CCDC7: variants seen among roughly 807,000 people sequenced by gnomAD.
CCDC7 encodes coiled-coil domain containing 7, also known as coiled-coil domain-containing protein 7.
In CCDC7, 183 loss-of-function variants were observed where a neutral mutation model predicts 196.9. The ratio of observed to expected loss-of-function variants is 0.93; its 90% CI spans 0.82 to 1.05. CCDC7 has a LOEUF of 1.05. CCDC7 is among the 50% of genes least tolerant of loss of function. CCDC7 has a pLI of 0.00. For synonymous variants in CCDC7, 525 were observed against 484.6 expected (o/e 1.08, Z -1.10); for missense variants, 1,540 against 1,482.2 (o/e 1.04, Z -0.64).
Position 32,767,063 on chromosome 10 carries a change from AG to A in CCDC7, c.2906-11912del, listed in dbSNP as rs1253098504. Among the ~76,000 whole-genome samples, 9 of 152,102 alleles carry A rather than the reference AG, an allele frequency of 5.9e-5. No homozygotes were observed. The South Asian group carries it at 1.4e-3, about 24-fold the overall frequency. On this transcript the variant is annotated intron_variant, in intron 28 of 41. Coordinates refer to ENST00000639629, the Ensembl canonical transcript of CCDC7. ...GCTCTTTTCAACAACCAGATCTTGC[AG>A]GAACTAATACTAATAGAGTAACAAC...
chr10:32,660,758 A>T (rs1328164802), intron 20 of CCDC7, among the ~76,000 whole-genome samples: 7 of 151,874 alleles, frequency 4.6e-5, no homozygotes, highest in Admixed American at 2.6e-4. Flanking sequence ...GTGCTGGGAA[A>T]ACTGGCTAGC....
chr10:32,501,039 A>AGGGGAG (rs2043945266), intron 9 of CCDC7, among the ~76,000 whole-genome samples: 1 of 148,916 alleles, frequency 6.7e-6, no homozygotes, highest in Non-Finnish European at 1.5e-5. Context: ...GACCATGCAA[A>AGGGGAG]GGGGAGAGGG....
intron 18 of CCDC7, among the ~76,000 whole-genome samples, chr10:32,633,969 T>C (rs1264067887): frequency 6.6e-6 from 1 of 152,006 alleles, no homozygotes; most frequent in African/African-American, 2.4e-5. Flanking sequence ...TCATCTCTCC[T>C]TCATTCTTAT....
intron 25 of CCDC7, among the ~76,000 whole-genome samples, chr10:32,711,985 G>A (rs1434893732): frequency 6.6e-6 from 1 of 152,108 alleles, no homozygotes; most frequent in Non-Finnish European, 1.5e-5. Context: ...GCCAATAATT[G>A]TCTCACAAAA....
At chr10:32,576,088 G>T (rs2058148566) in intron 16 of CCDC7, among the ~76,000 whole-genome samples, 2 of 152,096 alleles carry the variant, frequency 1.3e-5, no homozygotes, top group African/African-American at 2.4e-5. Context: ...GGTCAGATAT[G>T]TTCACATCTG....
At chr10:32,491,127 T>C (rs1285119619) in intron 8 of CCDC7, among the ~76,000 whole-genome samples, 1 of 152,192 alleles carries the variant, frequency 6.6e-6, no homozygotes, top group East Asian at 1.9e-4. Flanking sequence ...AGCTTCTTTA[T>C]GTTTTTCTAC....
intron 22 of CCDC7, among the ~76,000 whole-genome samples, chr10:32,686,564 G>T (rs935223878): frequency 6.6e-6 from 1 of 152,228 alleles, no homozygotes; most frequent in Non-Finnish European, 1.5e-5. Flanking sequence ...GCCTGCTCCA[G>T]GGTAGAGGCC....
chr10:32,845,582 G>T, exon 35 of CCDC7: 1 of 1,612,706 alleles, frequency 6.2e-7, no homozygotes, highest in Non-Finnish European at 8.5e-7. Context: ...ACTGGAAGAG[G>T]TCTAATGAAG....
chr10:32,770,444 G>A (rs936498393), intron 28 of CCDC7, among the ~76,000 whole-genome samples: 1 of 152,176 alleles, frequency 6.6e-6, no homozygotes, highest in Non-Finnish European at 1.5e-5. Context: ...TCTTGGAATT[G>A]ATTTCTAGTT....
Position 32,597,279 on chromosome 10 carries a change from A to G in CCDC7, c.1801+12975A>G, listed in dbSNP as rs529047501. Reference sequence around the variant, plus strand: ...CTTCATTTCATTCGTTTGATCTTCAATCACTGATAATGTTTCTTCAATTTG... The same window carrying G: ...CTTCATTTCATTCGTTTGATCTTCAGTCACTGATAATGTTTCTTCAATTTG... On this transcript the variant is annotated intron_variant, in intron 18 of 41. Coordinates refer to ENST00000639629, the Ensembl canonical transcript of CCDC7. Among the ~76,000 whole-genome samples, 293 of 152,226 alleles carry G rather than the reference A, an allele frequency of 1.9e-3. 1 individual carries two copies. The highest frequency in any genetic ancestry group is 2.9e-3 in the Non-Finnish European group (195 of 68,008).
At chr10:32,548,180 T>C (rs2947071) in intron 13 of CCDC7, among the ~76,000 whole-genome samples, 38,194 of 151,876 alleles carry the variant, frequency 0.25, 5,398 homozygotes, top group South Asian at 0.44. Flanking sequence ...GGGGAAGGGG[T>C]TCTTATTCCT....
intron 29 of CCDC7, among the ~76,000 whole-genome samples, chr10:32,794,376 A>G (rs1378618942): frequency 1.3e-5 from 2 of 152,210 alleles, no homozygotes; most frequent in Admixed American, 1.3e-4. Context: ...TAGTGCAGTA[A>G]TGAACTTTTG....
chr10:32,474,072 A>G (rs1430267601), intron 8 of CCDC7, 49 bp downstream of exon 9: 1 of 1,568,844 alleles, frequency 6.4e-7, no homozygotes, highest in African/African-American at 1.4e-5. Context: ...CCTCTGTTAC[A>G]TTAATTTCTA....
chr10:32,852,278 A>C (rs2093592269), intron 40 of CCDC7, among the ~76,000 whole-genome samples: 1 of 152,138 alleles, frequency 6.6e-6, no homozygotes, highest in South Asian at 2.1e-4. Flanking sequence ...CCCCAGGGAG[A>C]GCATACAATA....
chr10:32,702,618 G>A (rs917408926), intron 24 of CCDC7, among the ~76,000 whole-genome samples: 1 of 152,022 alleles, frequency 6.6e-6, no homozygotes, highest in Non-Finnish European at 1.5e-5. Context: ...TTGACAGTGG[G>A]GTGTTAAAGT....
chr10:32,727,343 G>A (rs17296219), intron 26 of CCDC7, among the ~76,000 whole-genome samples: 1 of 152,084 alleles, frequency 6.6e-6, no homozygotes, highest in African/African-American at 2.4e-5. Flanking sequence ...GGTCTTCTTG[G>A]TACCCTTATA....
chr10:32,825,856 T>C (rs2091035143), intron 32 of CCDC7, among the ~76,000 whole-genome samples: 2 of 152,116 alleles, frequency 1.3e-5, no homozygotes, highest in Non-Finnish European at 2.9e-5. Context: ...AGTGAGGGCA[T>C]TGATTGAAAA....
chr10:32,661,923 G>A (rs1296118586), intron 20 of CCDC7, among the ~76,000 whole-genome samples: 4 of 152,026 alleles, frequency 2.6e-5, no homozygotes, highest in Admixed American at 6.6e-5. Flanking sequence ...CTCTGAATCC[G>A]GCTCAGCACT....
intron 28 of CCDC7, among the ~76,000 whole-genome samples, chr10:32,760,511 C>T (rs547214122): frequency 2.0e-3 from 310 of 152,050 alleles, no homozygotes; most frequent in African/African-American, 6.9e-3. Context: ...AACCAAACAC[C>T]GCATATTCTC....
Sources: gnomAD v4.1 joint callset for allele counts (sites outside exome capture counted in the v4.1 genomes callset) on GRCh38, gnomAD v4.1.1 for gene constraint, MANE v1.5 for transcripts, NCBI Gene and HGNC (gene_info 2026-07-23, HGNC 2026-07-21) for gene names.